Variants in DHRS7B observed in about 807,000 individuals in gnomAD.
The protein encoded by DHRS7B is dehydrogenase/reductase 7B, also known as peroxisomal reductase activating PPAR-gamma.
A neutral mutation model predicts 26.4 loss-of-function variants in DHRS7B; 24 were observed. The observed-to-expected ratio is 0.91, with a 90% CI of 0.66 to 1.28. The LOEUF is 1.28. Among genes scored for constraint, DHRS7B ranks in the 50% most tolerant of loss-of-function variants. DHRS7B has a pLI of 0.00. For missense variants in DHRS7B, 368 were observed against 419.4 expected, an observed-to-expected ratio of 0.88 and a Z score of 1.07; for synonymous variants, 142 against 166.4, an observed-to-expected ratio of 0.85 and a Z score of 1.13.
intron 1 of DHRS7B, among the ~76,000 whole-genome samples, chr17:21,141,475 A>G (rs1242952170): frequency 2.0e-5 from 3 of 152,030 alleles, no homozygotes; most frequent in Admixed American, 6.6e-5. Flanking sequence ...CAAAACAGCA[A>G]TAGGATCACT....
intron 3 of DHRS7B, among the ~76,000 whole-genome samples, chr17:21,183,198 A>G (rs1293686914): frequency 6.6e-6 from 1 of 152,012 alleles, no homozygotes; most frequent in Non-Finnish European, 1.5e-5. Context: ...TTCTTTTATA[A>G]TCATTTTTAT....
intron 3 of DHRS7B, among the ~76,000 whole-genome samples, chr17:21,182,061 G>A (rs1225703522): frequency 6.6e-6 from 1 of 152,144 alleles, no homozygotes; most frequent in East Asian, 1.9e-4. Context: ...TATGTTATCT[G>A]TGGGTTTTTC....
intron 1 of DHRS7B, among the ~76,000 whole-genome samples, chr17:21,152,455 C>G (rs1362679100): frequency 1.3e-5 from 2 of 152,122 alleles, no homozygotes; most frequent in Non-Finnish European, 2.9e-5. Flanking sequence ...ACACCCAGCC[C>G]AGGTGTTTCT....
At chr17:21,168,821 A>T (rs558395321) in intron 1 of DHRS7B, 1 of 985,470 alleles carries the variant, frequency 1.0e-6, no homozygotes, top group African/African-American at 1.7e-5. Flanking sequence ...AGTGGTCTCC[A>T]GGGCCAGGAG....
Position 21,183,653 on chromosome 17 carries a change from T to TGCA in DHRS7B, c.378_380dup (p.Ala127dup). On this transcript the variant is annotated inframe_insertion, in exon 4 of 7. Coordinates refer to ENST00000395511, the MANE Select transcript of DHRS7B (RefSeq NM_015510.5). ...ACCTCACAGACTCTGGGGCCATAGTTGCAGCAGCAGCTGAGATCCTGCAGT... is the reference window on the plus strand; with the variant it reads ...ACCTCACAGACTCTGGGGCCATAGTTGCAGCAGCAGCAGCTGAGATCCTGCAGT... 1.2e-6 allele frequency: 2 copies of TGCA among 1,614,106 alleles called. No homozygotes were observed. Among genetic ancestry groups the TGCA allele is most frequent in the Non-Finnish European group, 1.7e-6 (2 of 1,180,036 alleles).
chr17:21,160,274 T>C (rs2144053184), intron 1 of DHRS7B, among the ~76,000 whole-genome samples: 1 of 152,222 alleles, frequency 6.6e-6, no homozygotes, highest in African/African-American at 2.4e-5. Context: ...GGAGAATCGC[T>C]TGAACCCAGG....
intron 1 of DHRS7B, among the ~76,000 whole-genome samples, chr17:21,132,555 A>C (rs1360397099): frequency 6.6e-6 from 1 of 150,744 alleles, no homozygotes; most frequent in African/African-American, 2.4e-5. Flanking sequence ...AAAAACAAAA[A>C]AAAAACAGGG....
intron 2 of DHRS7B, among the ~76,000 whole-genome samples, chr17:21,174,331 T>C (rs912749536): frequency 2.6e-5 from 4 of 152,250 alleles, no homozygotes; most frequent in African/African-American, 7.2e-5. Context: ...CCTTGTAGAA[T>C]AGTGTGGGAC....
At chr17:21,141,640 A>AAAAAAAAAAAAACAAG in intron 1 of DHRS7B, among the ~76,000 whole-genome samples, 1 of 90,078 alleles carries the variant, frequency 1.1e-5, no homozygotes, top group Non-Finnish European at 2.1e-5. Flanking sequence ...AAAAAAAAAA[A>AAAAAAAAAAAAACAAG]CAACCTCATC....
At chr17:21,150,984 A>G (rs762705732) in intron 1 of DHRS7B, among the ~76,000 whole-genome samples, 17 of 152,364 alleles carry the variant, frequency 1.1e-4, no homozygotes, top group Middle Eastern at 3.4e-3. Flanking sequence ...ATACATATCC[A>G]AGAAACTTTG....
intron 6 of DHRS7B, among the ~76,000 whole-genome samples, chr17:21,190,166 T>TA (rs77523069): frequency 0.011 from 1,554 of 142,012 alleles, 18 homozygotes; most frequent in Middle Eastern, 0.026. Context: ...ACCCTGTCTT[T>TA]AAAAAAAAAA....
chr17:21,159,661 C>T (rs1221280304), intron 1 of DHRS7B, among the ~76,000 whole-genome samples: 1 of 151,820 alleles, frequency 6.6e-6, no homozygotes, highest in Non-Finnish European at 1.5e-5. Context: ...TCACTGAGCT[C>T]AGGAGTTTGA....
intron 1 of DHRS7B, among the ~76,000 whole-genome samples, chr17:21,155,454 A>G (rs777621078): frequency 6.6e-6 from 1 of 152,232 alleles, no homozygotes; most frequent in Non-Finnish European, 1.5e-5. Flanking sequence ...TAATGTATAT[A>G]CACATAATAG....
chr17:21,142,298 C>T (rs1036626792), intron 1 of DHRS7B, among the ~76,000 whole-genome samples: 3 of 152,078 alleles, frequency 2.0e-5, no homozygotes, highest in East Asian at 1.9e-4. Flanking sequence ...CTTTCCATAC[C>T]GTGTCTGGAA....
chr17:21,133,145 T>C (rs1372847247), intron 1 of DHRS7B, among the ~76,000 whole-genome samples: 3 of 152,246 alleles, frequency 2.0e-5, no homozygotes, highest in African/African-American at 7.2e-5. Flanking sequence ...AAAAAGTTAG[T>C]AATTGTTATT....
chr17:21,146,521 G>T (rs1157918265), intron 1 of DHRS7B, among the ~76,000 whole-genome samples: 2 of 152,198 alleles, frequency 1.3e-5, no homozygotes, highest in Non-Finnish European at 2.9e-5. Flanking sequence ...GAAACATTAA[G>T]TAACTTGTTC....
chr17:21,183,679 G>T lies in DHRS7B; in HGVS notation c.395G>T (p.Cys132Phe), dbSNP rs762266141. 4 of 1,614,048 alleles carry T rather than the reference G, an allele frequency of 2.5e-6. No individual in the cohort carries two copies. Among genetic ancestry groups the T allele is most frequent in the Non-Finnish European group, 3.4e-6 (4 of 1,180,052 alleles). ...GCAGCAGCAGCTGAGATCCTGCAGT[G>T]CTTTGGCTATGTCGACATACTTGTC... ...IVAAAAEILQ[C>F]FGYVDILVNN... is the part of the protein sequence containing the mutation. Residue 132 changes from cysteine (C) to phenylalanine (F), a missense_variant, in exon 4 of 7, where the codon TGC becomes TTC. Coordinates refer to ENST00000395511, the MANE Select transcript of DHRS7B (RefSeq NM_015510.5).
At chr17:21,170,675 A>C (rs1423129445) in intron 1 of DHRS7B, among the ~76,000 whole-genome samples, 1 of 152,190 alleles carries the variant, frequency 6.6e-6, no homozygotes, top group Admixed American at 6.5e-5. Context: ...AGTTCAGTTG[A>C]CAGTTCCGTT....
At chr17:21,188,671 C>G in intron 5 of DHRS7B, 40 bp from the exon 6 acceptor site, 3 of 1,542,572 alleles carry the variant, frequency 1.9e-6, no homozygotes, top group Non-Finnish European at 2.6e-6. Context: ...ATGCCCACCC[C>G]AGCGCACTCA....
Sources: allele counts gnomAD v4.1 joint callset (sites outside exome capture counted in the v4.1 genomes callset), GRCh38; gene constraint gnomAD v4.1.1; transcripts MANE v1.5; gene names NCBI Gene and HGNC (gene_info 2026-07-23, HGNC 2026-07-21).